The following RASGEF1A variants were observed in gnomAD, a reference collection of about 807,000 sequenced individuals.
The protein encoded by RASGEF1A is ras-GEF domain-containing family member 1A.
In RASGEF1A, 18 loss-of-function variants were observed where a neutral mutation model predicts 56.4. The observed-to-expected ratio is 0.32, with a 90% CI of 0.22 to 0.47. The LOEUF is 0.47. Among genes scored for constraint, RASGEF1A ranks in the 20% least tolerant of loss-of-function variants. RASGEF1A has a pLI of 1.00. For synonymous variants in RASGEF1A, 245 were observed against 242.6 expected (o/e 1.01, Z -0.09); for missense variants, 422 against 627.1 (o/e 0.67, Z 3.49).
intron 1 of RASGEF1A, among the ~76,000 whole-genome samples, chr10:43,236,589 C>G (rs1370169933): frequency 6.6e-6 from 1 of 152,254 alleles, no homozygotes; most frequent in Admixed American, 6.5e-5. Flanking sequence ...CTCGCGCCCT[C>G]CCTCCTCCTC....
At chr10:43,241,404 C>A (rs1840496518) in intron 1 of RASGEF1A, among the ~76,000 whole-genome samples, 1 of 152,138 alleles carries the variant, frequency 6.6e-6, no homozygotes, top group East Asian at 1.9e-4. Flanking sequence ...AGAGGAGAGG[C>A]AACAGAACTA....
intron 2 of RASGEF1A, 144 bp from the exon 3 acceptor site, chr10:43,203,564 C>G (rs527444034): frequency 3.3e-5 from 44 of 1,350,198 alleles, no homozygotes; most frequent in Non-Finnish European, 2.1e-5. Flanking sequence ...CGGTTCCCTT[C>G]GCCTTGCAGG....
chr10:43,211,154 G>C (rs368468128), intron 1 of RASGEF1A, among the ~76,000 whole-genome samples: 3 of 152,190 alleles, frequency 2.0e-5, no homozygotes, highest in Non-Finnish European at 4.4e-5. Context: ...CCTGGAGGAC[G>C]CGCCTCACTC....
At chr10:43,227,271 G>C (rs574553442) in intron 1 of RASGEF1A, among the ~76,000 whole-genome samples, 4 of 152,196 alleles carry the variant, frequency 2.6e-5, no homozygotes, top group South Asian at 4.2e-4. Context: ...CTCTCCCCCA[G>C]GCAGCCCTTC....
intron 1 of RASGEF1A, among the ~76,000 whole-genome samples, chr10:43,259,385 C>G (rs1836487525): frequency 1.3e-5 from 2 of 152,214 alleles, no homozygotes; most frequent in Admixed American, 6.5e-5. Context: ...TCCACACTTG[C>G]AGCCTTCTGC....
rs983284299 is a variant in RASGEF1A, at chr10:43,195,884, G to T, written c.*360C>A. The T allele has an allele frequency of 1.8e-5, 3 of 166,430 alleles. No homozygotes were observed. The highest frequency in any genetic ancestry group is 7.2e-5 in the African/African-American group (3 of 41,666). The allele number at this position is 166,430 out of a possible 1,614,324, so 10.3% of individuals were successfully genotyped here. On this transcript the variant is annotated 3_prime_UTR_variant, in exon 13 of 13. Coordinates refer to ENST00000395810, the MANE Select transcript of RASGEF1A (RefSeq NM_145313.4). The surrounding 1 kb of genome is among the most constrained non-coding windows in gnomAD (Gnocchi z 4.2). ...CTGGAAAGGCGTCCGAGCAGGCAGG[G>T]CTCACGTTGGTTTTGGCTGGGTTTT...
At chr10:43,214,733 G>A (rs560868550) in intron 1 of RASGEF1A, among the ~76,000 whole-genome samples, 1 of 152,380 alleles carries the variant, frequency 6.6e-6, no homozygotes, top group East Asian at 1.9e-4. Context: ...CCTGGAGTCT[G>A]CAGTTCTGGA....
Position 43,266,182 on chromosome 10 carries a change from A to G in RASGEF1A, c.-7+663T>C, listed in dbSNP as rs544400013. Among the ~76,000 whole-genome samples the G allele has an allele frequency of 2.0e-5, 3 of 151,990 alleles. No individual in the cohort carries two copies. In the South Asian group the frequency reaches 6.2e-4, roughly 32 times the overall value. On this transcript the variant is annotated intron_variant, in intron 1 of 12. Coordinates refer to ENST00000395810, the MANE Select transcript of RASGEF1A (RefSeq NM_145313.4). ...CACACAGCAGGGGACTCCCGCCCCC[A>G]CCTCTCACTCACCGACCCTCGGACC...
intron 1 of RASGEF1A, among the ~76,000 whole-genome samples, chr10:43,259,853 C>T (rs1012999673): frequency 1.3e-5 from 2 of 151,736 alleles, no homozygotes; most frequent in Non-Finnish European, 2.9e-5. Context: ...GGCACACAGG[C>T]AGGGGAAACC....
chr10:43,263,302 T>A (rs1184081943), intron 1 of RASGEF1A, among the ~76,000 whole-genome samples: 1 of 152,050 alleles, frequency 6.6e-6, no homozygotes, highest in Non-Finnish European at 1.5e-5. Context: ...CAAGAAGACA[T>A]CCCTGGACTG....
intron 1 of RASGEF1A, among the ~76,000 whole-genome samples, chr10:43,264,750 C>T (rs1184367536): frequency 6.6e-6 from 1 of 151,868 alleles, no homozygotes; most frequent in Admixed American, 6.6e-5. Context: ...GCACCTACCC[C>T]CAGCAGCCCA....
intron 6 of RASGEF1A, 72 bp downstream of exon 6, chr10:43,200,110 C>T: frequency 1.5e-6 from 2 of 1,300,876 alleles, no homozygotes; most frequent in African/African-American, 1.5e-5. Context: ...GAGGCCCACA[C>T]CCACCCTGCA....
At chr10:43,205,802 C>A in intron 2 of RASGEF1A, 117 bp downstream of exon 2, 1 of 832,136 alleles carries the variant, frequency 1.2e-6, no homozygotes, top group Non-Finnish European at 1.9e-6. Context: ...ACTGCCCTGC[C>A]CCTCCTGCAG....
chr10:43,264,402 A>T (rs960101319), intron 1 of RASGEF1A, among the ~76,000 whole-genome samples: 23 of 148,194 alleles, frequency 1.6e-4, no homozygotes, highest in African/African-American at 5.7e-4. Flanking sequence ...GCAATCCACC[A>T]GTGGGTATCA....
At chr10:43,248,824 A>G (rs1166763914) in intron 1 of RASGEF1A, among the ~76,000 whole-genome samples, 1 of 152,232 alleles carries the variant, frequency 6.6e-6, no homozygotes, top group Non-Finnish European at 1.5e-5. Context: ...AGGCAGTGGA[A>G]TATGGTCATA....
chr10:43,242,277 G>T (rs904581066), intron 1 of RASGEF1A, among the ~76,000 whole-genome samples: 20 of 151,954 alleles, frequency 1.3e-4, no homozygotes, highest in African/African-American at 4.8e-4. Context: ...AGACAAAGAA[G>T]GATATTTTAT....
At chr10:43,203,471 G>C in intron 2 of RASGEF1A, 51 bp from the exon 3 acceptor site, 1 of 1,468,692 alleles carries the variant, frequency 6.8e-7, no homozygotes, top group African/African-American at 1.4e-5. Flanking sequence ...GCAGGCCCCC[G>C]GGGGCTCACC....
At chr10:43,200,155 G>T in intron 6 of RASGEF1A, 27 bp downstream of exon 6, 2 of 1,561,262 alleles carry the variant, frequency 1.3e-6, no homozygotes, top group South Asian at 2.3e-5. Context: ...GGGCTGGCAG[G>T]GGTGCCACAG....
At chr10:43,265,004 A>C (rs1371143829) in intron 1 of RASGEF1A, among the ~76,000 whole-genome samples, 1 of 152,256 alleles carries the variant, frequency 6.6e-6, no homozygotes, top group Middle Eastern at 3.4e-3. Context: ...CGGCGTGCTC[A>C]GGGGCTCCTG....
Sources: gnomAD v4.1 joint callset for allele counts (sites outside exome capture counted in the v4.1 genomes callset) on GRCh38, gnomAD v4.1.1 for gene constraint, Gnocchi (gnomAD v3.1) non-coding constraint, MANE v1.5 for transcripts, NCBI Gene and HGNC (gene_info 2026-07-23, HGNC 2026-07-21) for gene names.